Variants in MAML2 observed in about 807,000 individuals in gnomAD.
The protein encoded by MAML2 is mastermind-like protein 2.
MAML2 carries 22 observed loss-of-function variants against 96.1 expected under a neutral mutation model. That is an observed-to-expected ratio of 0.23 (90% CI 0.16 to 0.33). MAML2 has a LOEUF of 0.33. MAML2 is among the 10% of genes least tolerant of loss of function. The probability of loss-of-function intolerance (pLI) is 1.00; values close to 1 mark genes in which losing one functional copy is unlikely to be tolerated. For synonymous variants in MAML2, 561 were observed against 521.3 expected (o/e 1.08, Z -1.04); for missense variants, 1,367 against 1,392.4 (o/e 0.98, Z 0.29).
intron 1 of MAML2, among the ~76,000 whole-genome samples, chr11:96,100,313 CTT>C (rs373292172): frequency 6.8e-6 from 1 of 146,052 alleles, no homozygotes. Context: ...GTTTTTCTTT[CTT>C]TTTTTTTTTC....
chr11:96,210,803 C>T (rs1424703416), intron 1 of MAML2, among the ~76,000 whole-genome samples: 3 of 152,148 alleles, frequency 2.0e-5, no homozygotes, highest in African/African-American at 7.2e-5. Context: ...TAACTGCATA[C>T]CATGATACTT....
At chr11:96,031,736 A>G (rs1250111840) in intron 2 of MAML2, among the ~76,000 whole-genome samples, 2 of 152,178 alleles carry the variant, frequency 1.3e-5, no homozygotes, top group African/African-American at 2.4e-5. Flanking sequence ...CTGTAATCCC[A>G]GCACTTTGGG....
At chr11:96,285,894 A>G (rs1205208231) in intron 1 of MAML2, among the ~76,000 whole-genome samples, 1 of 152,208 alleles carries the variant, frequency 6.6e-6, no homozygotes, top group African/African-American at 2.4e-5. Flanking sequence ...AATTAGTTCA[A>G]CCATTGTGGA....
chr11:96,102,998 T>C (rs1447960814), intron 1 of MAML2, among the ~76,000 whole-genome samples: 1 of 152,212 alleles, frequency 6.6e-6, no homozygotes, highest in African/African-American at 2.4e-5. Flanking sequence ...GCATTAAGTA[T>C]CATTAATCAA....
intron 1 of MAML2, among the ~76,000 whole-genome samples, chr11:96,165,339 G>A (rs1369679530): frequency 6.6e-6 from 1 of 152,076 alleles, no homozygotes; most frequent in Non-Finnish European, 1.5e-5. Context: ...TCCATAATTT[G>A]CATTTCTAAC....
At chr11:96,047,106 G>T (rs1858913822) in intron 2 of MAML2, among the ~76,000 whole-genome samples, 2 of 152,150 alleles carry the variant, frequency 1.3e-5, no homozygotes, top group Non-Finnish European at 2.9e-5. Context: ...AAGTTTGCTT[G>T]TGTTGTTCCT....
rs553354532 is a variant in MAML2 at position 96,028,077 on chromosome 11, T to C, written c.2140-36354A>G. Among the ~76,000 whole-genome samples, 34 of 152,314 alleles carry C rather than the reference T, an allele frequency of 2.2e-4. No individual in the cohort carries two copies. In the South Asian group the frequency reaches 6.6e-3, roughly 30 times the overall value. On this transcript the variant is annotated intron_variant, in intron 2 of 4. Transcript: ENST00000524717. ...GACTCATAAGTAAACAAGGTCCCAA[T>C]AATGTCTAGTTGTCTGCATCTTTTT...
chr11:96,308,669 C>T (rs758609537), intron 1 of MAML2, among the ~76,000 whole-genome samples: 21 of 152,314 alleles, frequency 1.4e-4, no homozygotes, highest in Admixed American at 3.3e-4. Flanking sequence ...ACATCCATGG[C>T]TACTTCCTAC....
intron 1 of MAML2, among the ~76,000 whole-genome samples, chr11:96,109,223 G>A (rs966563217): frequency 1.3e-5 from 2 of 152,142 alleles, no homozygotes; most frequent in African/African-American, 4.8e-5. Flanking sequence ...AGGGATGAGA[G>A]TCAAGCAGGC....
rs1219177378 is a variant in MAML2, at chr11:96,092,575, C to G, written c.1456G>C (p.Gly486Arg). The change falls in exon 2 of 5, where the codon GGT becomes CGT. Residue 486 changes from glycine to arginine, a missense_variant. Transcript: ENST00000524717. This position sits in a 1 kb window ranked among gnomAD's most constrained non-coding sequence, Gnocchi z 4.1. ...GQEKIPSPSF[G>R]QQTFSPQSSP... is the part of the protein sequence containing the mutation. The stretch of plus-strand genomic sequence containing the variant: ...CTCTGTGGGCTGAATGTCTGCTGAC[C>G]AAAAGAAGGGCTGGGGATTTTCTCC... 1.2e-6 allele frequency: 2 copies of G among 1,607,538 alleles called. No individual in the cohort carries two copies. The highest frequency in any genetic ancestry group is 1.7e-6 in the Non-Finnish European group (2 of 1,175,320).
At chr11:96,119,412 A>C (rs1860297410) in intron 1 of MAML2, among the ~76,000 whole-genome samples, 1 of 152,238 alleles carries the variant, frequency 6.6e-6, no homozygotes, top group South Asian at 2.1e-4. Flanking sequence ...AGCCTTTCAA[A>C]GCTGGAACAG....
chr11:96,184,578 T>C (rs1208095226), intron 1 of MAML2, among the ~76,000 whole-genome samples: 1 of 151,266 alleles, frequency 6.6e-6, no homozygotes, highest in Non-Finnish European at 1.5e-5. Context: ...CAACTCTGAA[T>C]ATAGTCATTT....
At chr11:96,000,208 C>T (rs1858059802) in intron 2 of MAML2, among the ~76,000 whole-genome samples, 1 of 152,180 alleles carries the variant, frequency 6.6e-6, no homozygotes, top group Admixed American at 6.5e-5. Context: ...CAGGAAACAG[C>T]TTGTAAACAG....
chr11:96,003,298 T>A (rs564397699), intron 2 of MAML2, among the ~76,000 whole-genome samples: 2 of 152,092 alleles, frequency 1.3e-5, no homozygotes, highest in Admixed American at 1.3e-4. Context: ...TACTTCTCAT[T>A]TTTTGAAAGA....
intron 1 of MAML2, among the ~76,000 whole-genome samples, chr11:96,236,336 T>G (rs9971463): frequency 0.073 from 11,135 of 152,304 alleles, 1,009 homozygotes; most frequent in African/African-American, 0.21. Flanking sequence ...TATTATGTTA[T>G]CTTAAAAACA....
At chr11:96,064,822 C>A (rs1215605928) in intron 2 of MAML2, among the ~76,000 whole-genome samples, 1 of 152,156 alleles carries the variant, frequency 6.6e-6, no homozygotes, top group Non-Finnish European at 1.5e-5. Flanking sequence ...AATAAATCTT[C>A]AATTGGTTTT....
chr11:96,243,674 G>A (rs1291186571), intron 1 of MAML2, among the ~76,000 whole-genome samples: 1 of 125,162 alleles, frequency 8.0e-6, no homozygotes, highest in Admixed American at 8.3e-5. Flanking sequence ...TTTTTTTTGA[G>A]ACGGAGTCTC....
chr11:96,274,489 T>C (rs941250306), intron 1 of MAML2, among the ~76,000 whole-genome samples: 1 of 152,238 alleles, frequency 6.6e-6, no homozygotes, highest in African/African-American at 2.4e-5. Flanking sequence ...CTCTGTTAAC[T>C]ATAAAGTTTT....
At chr11:96,110,562 T>C (rs1191611858) in intron 1 of MAML2, among the ~76,000 whole-genome samples, 2 of 152,230 alleles carry the variant, frequency 1.3e-5, no homozygotes, top group African/African-American at 4.8e-5. Context: ...AACTTCCGTA[T>C]GCATCTGAAG....
Sources: allele counts gnomAD v4.1 joint callset (sites outside exome capture counted in the v4.1 genomes callset), GRCh38; gene constraint gnomAD v4.1.1; non-coding constraint Gnocchi (gnomAD v3.1); transcripts MANE v1.5; gene names NCBI Gene and HGNC (gene_info 2026-07-23, HGNC 2026-07-21).